Variants in SVEP1 observed in about 807,000 individuals in gnomAD.
SVEP1 encodes the protein sushi, von Willebrand factor type A, EGF and pentraxin domain-containing protein 1.
In SVEP1, 164 loss-of-function variants were observed where a neutral mutation model predicts 367.3. That is an observed-to-expected ratio of 0.45 (90% CI 0.39 to 0.51). The LOEUF (loss-of-function observed/expected upper bound fraction) is 0.51, where lower values mean the gene tolerates loss of function less well. Among genes scored for constraint, SVEP1 ranks in the 20% least tolerant of loss-of-function variants. The pLI is 0.00. For synonymous variants in SVEP1, 1,666 were observed against 1,611.6 expected (o/e 1.03, Z -0.81); for missense variants, 4,117 against 4,425.3 (o/e 0.93, Z 1.98).
chr9:110,404,382 G>C lies in SVEP1; in HGVS notation c.9611C>G (p.Ser3204Cys). ...GDDFSVNRQV[S>C]VSCAEGYTFE... ...GGTATACCCTTCTGCACATGACACA[G>C]AAACTTGCCTATTCACACTGAAATC... Residue 3204 changes from serine to cysteine, a missense_variant, in exon 39 of 48, where the codon TCT becomes TGT. By Grantham distance (112) the Ser-to-Cys change is moderately radical (BLOSUM62 -1). Transcript: ENST00000374469. The C allele has an allele frequency of 1.2e-6, 2 of 1,613,950 alleles. No homozygotes were observed. Among genetic ancestry groups the C allele is most frequent in the Non-Finnish European group, 1.7e-6 (2 of 1,179,870 alleles).
At chr9:110,541,864 CATAGATATCTATATATATCTATATACAT>C (rs1302417292) in intron 3 of SVEP1, among the ~76,000 whole-genome samples, 64 of 137,206 alleles carry the variant, frequency 4.7e-4, no homozygotes, top group Non-Finnish European at 8.9e-4. Context: ...TATCTATATA[CATAGATATCTATATATATCTATATACAT>C]AGATATCTAT....
intron 9 of SVEP1, among the ~76,000 whole-genome samples, chr9:110,483,986 G>C (rs1829238860): frequency 6.6e-6 from 1 of 152,232 alleles, no homozygotes; most frequent in Non-Finnish European, 1.5e-5. Context: ...CATTTGAATT[G>C]TGGGTTCTGT....
At chr9:110,575,520 C>G (rs1474646288) in intron 1 of SVEP1, among the ~76,000 whole-genome samples, 1 of 152,134 alleles carries the variant, frequency 6.6e-6, no homozygotes, top group Non-Finnish European at 1.5e-5. Context: ...AGCTGCAAAA[C>G]TATACCCTGC....
intron 36 of SVEP1, among the ~76,000 whole-genome samples, chr9:110,412,743 C>T (rs1828061848): frequency 1.3e-5 from 2 of 152,136 alleles, no homozygotes; most frequent in South Asian, 4.1e-4. Flanking sequence ...CATGAACAGA[C>T]ACTTCTCAAA....
chr9:110,431,986 C>A lies in SVEP1; in HGVS notation c.5282G>T (p.Cys1761Phe). The A allele has an allele frequency of 6.2e-7, 1 of 1,613,520 alleles. No individual in the cohort carries two copies. The highest frequency in any genetic ancestry group is 8.5e-7 in the Non-Finnish European group (1 of 1,179,670). ...VGSDCSEHAS[C>F]LNVDGSYICS... ...TATGTAGGATCCATCTACGTTCAGG[C>A]AAGAAGCATGCTCACTACAATCTGA... is the stretch of plus-strand genomic sequence containing the variant. The change falls in exon 32 of 48, where the codon TGC becomes TTC. Residue 1761 changes from cysteine (C) to phenylalanine (F), a missense_variant. Cys to Phe is a radical substitution (Grantham distance 205). Around this residue, in one of 4 missense-constraint regions of SVEP1, gnomAD observed 2,174 missense variants for 2,494.3 expected, o/e 0.87. Transcript: ENST00000374469.
At chr9:110,438,177 A>AT (rs10593866) in intron 27 of SVEP1, among the ~76,000 whole-genome samples, 1,662 of 75,554 alleles carry the variant, frequency 0.022, 180 homozygotes, top group Non-Finnish European at 0.03. Flanking sequence ...TAGTTATGCT[A>AT]TTTTTTTTTT....
At chr9:110,395,448 C>G (rs12006333) in intron 40 of SVEP1, among the ~76,000 whole-genome samples, 4 of 151,780 alleles carry the variant, frequency 2.6e-5, no homozygotes, top group African/African-American at 9.7e-5. Context: ...CATCAACTAA[C>G]AAGCAAAATA....
intron 43 of SVEP1, among the ~76,000 whole-genome samples, chr9:110,382,188 T>C (rs1455899479): frequency 6.6e-6 from 1 of 151,684 alleles, no homozygotes; most frequent in Non-Finnish European, 1.5e-5. Flanking sequence ...ATCTTTGTAC[T>C]TCAGGGTGTT....
intron 46 of SVEP1, among the ~76,000 whole-genome samples, chr9:110,371,262 A>G (rs1055165464): frequency 3.3e-5 from 5 of 152,208 alleles, no homozygotes; most frequent in African/African-American, 1.2e-4. Context: ...ATATAAGAAC[A>G]CGTTACTCCT....
rs1829155391 is a variant in SVEP1 at position 110,479,683 on chromosome 9, A to T, written c.2439T>A (p.Asp813Glu). 1 of 1,611,332 alleles carries T rather than the reference A, an allele frequency of 6.2e-7. No homozygotes were observed. The highest frequency in any genetic ancestry group is 8.5e-7 in the Non-Finnish European group (1 of 1,179,022). The change falls in exon 13 of 48, where the codon GAT (aspartate) becomes GAA (glutamate). Residue 813 changes from aspartate (D) to glutamate (E), a missense_variant. This residue lies in a region of SVEP1 where 2,174 missense variants were observed against 2,494.3 expected (regional missense o/e 0.87). Coordinates refer to ENST00000374469, the MANE Select transcript of SVEP1 (RefSeq NM_153366.4). ...ATGCTTCAGAAAACTTCTTCATCAG[A>T]TCTGTGTCATCACAACGAGCTGCTT... Reference protein sequence around the residue: ...FYKAARCDDTDLMKKFSEAFE... With the variant: ...FYKAARCDDTELMKKFSEAFE...
At chr9:110,552,835 G>A (rs1425247723) in intron 1 of SVEP1, among the ~76,000 whole-genome samples, 2 of 152,150 alleles carry the variant, frequency 1.3e-5, no homozygotes, top group Admixed American at 6.5e-5. Flanking sequence ...TACTCCATTG[G>A]GTGGTAAAGG....
chr9:110,482,820 G>A (rs565359278), intron 10 of SVEP1, among the ~76,000 whole-genome samples: 11 of 152,252 alleles, frequency 7.2e-5, no homozygotes, highest in South Asian at 2.1e-4. Flanking sequence ...GAGTCACCGC[G>A]CCCAGCCTAT....
At chr9:110,573,515 C>A (rs573355003) in intron 1 of SVEP1, among the ~76,000 whole-genome samples, 1 of 152,094 alleles carries the variant, frequency 6.6e-6, no homozygotes. Context: ...GACAGCGCAT[C>A]CCCCACCAGA....
chr9:110,388,363 G>C (rs370735413), intron 41 of SVEP1, among the ~76,000 whole-genome samples: 11 of 152,254 alleles, frequency 7.2e-5, no homozygotes, highest in African/African-American at 2.6e-4. Context: ...AAATGGGCTT[G>C]AGTCTTAATT....
intron 34 of SVEP1, among the ~76,000 whole-genome samples, 173 bp downstream of exon 34, chr9:110,429,747 C>T (rs1227371352): frequency 6.6e-6 from 1 of 152,074 alleles, no homozygotes; most frequent in African/African-American, 2.4e-5. Flanking sequence ...GATATAACTA[C>T]CATTAAATTA....
At chr9:110,572,368 T>G (rs549243134) in intron 1 of SVEP1, among the ~76,000 whole-genome samples, 1 of 152,222 alleles carries the variant, frequency 6.6e-6, no homozygotes. Context: ...ATTTTCATGA[T>G]GTATTTCAAC....
chr9:110,437,005 T>C (rs1828439554), intron 27 of SVEP1, among the ~76,000 whole-genome samples: 1 of 152,208 alleles, frequency 6.6e-6, no homozygotes, highest in South Asian at 2.1e-4. Flanking sequence ...CTGTTAAGCA[T>C]TTCATCCTAT....
At chr9:110,412,475 T>C (rs1429522354) in intron 36 of SVEP1, among the ~76,000 whole-genome samples, 1 of 152,122 alleles carries the variant, frequency 6.6e-6, no homozygotes, top group Non-Finnish European at 1.5e-5. Context: ...ATTCAGGACA[T>C]AGGCATGGGC....
chr9:110,377,843 T>G (rs1345203907), intron 44 of SVEP1, among the ~76,000 whole-genome samples: 1 of 152,184 alleles, frequency 6.6e-6, no homozygotes, highest in Non-Finnish European at 1.5e-5. Context: ...TAACTGAAAC[T>G]TTGATACCTT....
Sources: allele counts gnomAD v4.1 joint callset (sites outside exome capture counted in the v4.1 genomes callset), GRCh38; gene constraint gnomAD v4.1.1; regional missense constraint gnomAD v4.1.1; transcripts MANE v1.5; gene names NCBI Gene and HGNC (gene_info 2026-07-23, HGNC 2026-07-21).